KCNQ2: variants seen among roughly 807,000 people sequenced by gnomAD.
The protein encoded by KCNQ2 is potassium voltage-gated channel subfamily KQT member 2.
A neutral mutation model predicts 84.8 loss-of-function variants in KCNQ2; 14 were observed. That is an observed-to-expected ratio of 0.17 (90% CI 0.11 to 0.26). KCNQ2 has a LOEUF of 0.26. KCNQ2 is among the 10% of genes least tolerant of loss of function. The pLI is 1.00. For synonymous variants in KCNQ2, 599 were observed against 554.1 expected (o/e 1.08, Z -1.14); for missense variants, 788 against 1,254.0 (o/e 0.63, Z 5.61).
In KCNQ2 at chr20:63,414,249, G is replaced by A. The variant is rs2080216270; in HGVS notation, c.1526-56C>T. The A allele has an allele frequency of 1.3e-5, 17 of 1,328,844 alleles. No individual in the cohort carries two copies. Among genetic ancestry groups the A allele is most frequent in the Non-Finnish European group, 1.7e-5 (16 of 924,540 alleles). 82.3% of individuals were successfully genotyped at this position (1,328,844 alleles called of 1,614,324 possible). ...CGAGGGGGCCGGGAGACCTATTCCCGGGGTCCTGCAGGGCACACCGGCTAG... is the reference window on the plus strand; with the variant it reads ...CGAGGGGGCCGGGAGACCTATTCCCAGGGTCCTGCAGGGCACACCGGCTAG... On this transcript the variant is annotated intron_variant, in intron 13 of 16. Coordinates refer to ENST00000359125, the MANE Select transcript of KCNQ2 (RefSeq NM_172107.4). The surrounding 1 kb of genome is among the most constrained non-coding windows in gnomAD (Gnocchi z 6.6).
At chr20:63,461,301 C>T (rs913497867) in intron 1 of KCNQ2, among the ~76,000 whole-genome samples, 1 of 152,304 alleles carries the variant, frequency 6.6e-6, no homozygotes, top group Admixed American at 6.5e-5. Flanking sequence ...TTAAATGGCA[C>T]CCGTGGGAAG....
At chr20:63,433,725 T>C (rs1158519021) in intron 8 of KCNQ2, 84 bp downstream of exon 8, 1 of 1,609,060 alleles carries the variant, frequency 6.2e-7, no homozygotes, top group Non-Finnish European at 8.5e-7. Flanking sequence ...ATCAAAATAA[T>C]GAACAACAAA....
intron 4 of KCNQ2, 25 bp downstream of exon 4, chr20:63,444,634 C>T (rs757745514): frequency 3.6e-5 from 55 of 1,514,050 alleles, no homozygotes; most frequent in Non-Finnish European, 4.4e-5. Context: ...GGGCGCCCAC[C>T]GCCAGCCTTG....
chr20:63,461,250 C>T (rs1485440423), intron 1 of KCNQ2, among the ~76,000 whole-genome samples: 1 of 152,238 alleles, frequency 6.6e-6, no homozygotes, highest in Non-Finnish European at 1.5e-5. Context: ...CCAAGGCCCC[C>T]CCAACTTTCT....
At position 63,407,840 on chromosome 20, in the gene KCNQ2, C is replaced by T. The variant is rs1224797718; in HGVS notation, c.1888-465G>A. ...GGCCCAGGAGCAGCTCTTCCTCCTT[C>T]CCAGACCCCTAGGGGCAAAGCCTCC... On this transcript the variant is annotated intron_variant, in intron 16 of 16. Coordinates refer to ENST00000359125, the MANE Select transcript of KCNQ2 (RefSeq NM_172107.4). The surrounding 1 kb of genome is among the most constrained non-coding windows in gnomAD (Gnocchi z 7.2). 3 of 203,124 alleles carry T rather than the reference C, an allele frequency of 1.5e-5. No individual in the cohort carries two copies. Among genetic ancestry groups the T allele is most frequent in the Non-Finnish European group, 3.0e-5 (3 of 98,558 alleles). The allele number at this position is 203,124 out of a possible 1,614,324, so 12.6% of individuals were successfully genotyped here. A position where few individuals can be genotyped will look rare whatever the true frequency, so the allele number is the denominator to read the frequency against.
At chr20:63,459,775 G>A (rs1337513304) in intron 1 of KCNQ2, 1 of 152,230 alleles carries the variant, frequency 6.6e-6, no homozygotes, top group Non-Finnish European at 1.5e-5. Context: ...AAACCGTGTT[G>A]TCAAGGTCTG....
At chr20:63,433,156 C>CA (rs986265105) in intron 8 of KCNQ2, among the ~76,000 whole-genome samples, 2 of 152,132 alleles carry the variant, frequency 1.3e-5, no homozygotes, top group African/African-American at 4.8e-5. Flanking sequence ...TTTTGTAAAA[C>CA]AAAAAAACAC....
At position 63,401,810 on chromosome 20, in the gene KCNQ2, C is replaced by A; in HGVS notation, c.*4834G>T. 1 of 202,024 alleles carries A rather than the reference C, an allele frequency of 4.9e-6. No individual in the cohort carries two copies. Among genetic ancestry groups the A allele is most frequent in the Non-Finnish European group, 1.0e-5 (1 of 97,886 alleles). The allele number at this position is 202,024 out of a possible 1,614,324, so 12.5% of individuals were successfully genotyped here. ...CCACAGCAGGTCCAAGCCTCGTGAGCTGTCCCTCTCACACCACGTCTGCTG... is the reference window on the plus strand; with the variant it reads ...CCACAGCAGGTCCAAGCCTCGTGAGATGTCCCTCTCACACCACGTCTGCTG... On this transcript the variant is annotated 3_prime_UTR_variant, in exon 17 of 17. Transcript: ENST00000359125.
At chr20:63,468,441 G>A (rs541491553) in intron 1 of KCNQ2, among the ~76,000 whole-genome samples, 73 of 152,212 alleles carry the variant, frequency 4.8e-4, no homozygotes, top group Non-Finnish European at 9.6e-4. Flanking sequence ...CCAGGCGCCT[G>A]CCCACCCCAG....
chr20:63,402,047 C>T lies in KCNQ2; in HGVS notation c.*4597G>A, dbSNP rs1446873278. ...CAGGTCCAAGCCCTGTGAACCATCC[C>T]TCTCACACCACGTCTGCCGGGCACC... On this transcript the variant is annotated 3_prime_UTR_variant, in exon 17 of 17. Coordinates refer to ENST00000359125, the MANE Select transcript of KCNQ2 (RefSeq NM_172107.4). 6.7e-6 allele frequency: 1 copy of T among 149,858 alleles called. No homozygotes were observed. Among genetic ancestry groups the T allele is most frequent in the Non-Finnish European group, 1.4e-5 (1 of 73,166 alleles). The allele number at this position is 149,858 out of a possible 1,614,324, so 9.3% of individuals were successfully genotyped here.
intron 15 of KCNQ2, chr20:63,409,976 G>A: frequency 6.7e-6 from 2 of 300,582 alleles, no homozygotes; most frequent in South Asian, 5.3e-5. Context: ...TCTGATGGGA[G>A]GGGGGAGGGT....
intron 1 of KCNQ2, among the ~76,000 whole-genome samples, chr20:63,453,249 C>G (rs1000927905): frequency 6.6e-6 from 1 of 152,260 alleles, no homozygotes; most frequent in African/African-American, 2.4e-5. Flanking sequence ...GGCACCGTCG[C>G]CAGGGGGCAC....
In KCNQ2 at chr20:63,406,617, G is replaced by A. The variant is rs756874129; in HGVS notation, c.*27C>T. 1.7e-5 allele frequency: 27 copies of A among 1,570,452 alleles called. No individual in the cohort carries two copies. Among genetic ancestry groups the A allele is most frequent in the Admixed American group, 7.0e-5 (4 of 56,824 alleles). ...GAGGCACCGTGCTGAGGAGGGCCGC[G>A]GGCGGGTCCACTGGCCCAGCGCCGC... On this transcript the variant is annotated 3_prime_UTR_variant, in exon 17 of 17. Transcript: ENST00000359125.
chr20:63,445,396 G>A (rs367922651), intron 2 of KCNQ2, 32 bp from the exon 3 acceptor site: 171 of 1,611,132 alleles, frequency 1.1e-4, no homozygotes, highest in Non-Finnish European at 1.3e-4. Context: ...GCCACCTTGA[G>A]GCCTGGGGGA....
Position 63,414,233 on chromosome 20 carries a change from C to A in KCNQ2, c.1526-40G>T, listed in dbSNP as rs372965061. The A allele has an allele frequency of 6.9e-7, 1 of 1,458,908 alleles. No homozygotes were observed. The highest frequency in any genetic ancestry group is 1.4e-5 in the African/African-American group (1 of 72,012). 90.4% of individuals were successfully genotyped at this position (1,458,908 alleles called of 1,614,324 possible). On this transcript the variant is annotated intron_variant, in intron 13 of 16. Coordinates refer to ENST00000359125, the MANE Select transcript of KCNQ2 (RefSeq NM_172107.4). The surrounding 1 kb of genome is among the most constrained non-coding windows in gnomAD (Gnocchi z 6.6). ...ACAGGCCGTGAGGGGCCGAGGGGGCCGGGAGACCTATTCCCGGGGTCCTGC... is the reference window on the plus strand; with the variant it reads ...ACAGGCCGTGAGGGGCCGAGGGGGCAGGGAGACCTATTCCCGGGGTCCTGC...
rs995490845 is a variant in KCNQ2, at chr20:63,402,587, AG to A, written c.*4056del. 1.3e-5 allele frequency: 2 copies of A among 152,486 alleles called. No homozygotes were observed. The highest frequency in any genetic ancestry group is 2.4e-5 in the African/African-American group (1 of 41,476). The allele number at this position is 152,486 out of a possible 1,614,324, so 9.4% of individuals were successfully genotyped here. On this transcript the variant is annotated 3_prime_UTR_variant, in exon 17 of 17. Transcript: ENST00000359125. ...TCCGGCAGCAGGTCTCTCTGGCAGC[AG>A]GGTCTGGAATCTAGAAACACTGAGA...
chr20:63,442,716 C>CCAT (rs2081215717), intron 4 of KCNQ2, among the ~76,000 whole-genome samples, 185 bp from the exon 5 acceptor site: 36 of 56,478 alleles, frequency 6.4e-4, no homozygotes, highest in Middle Eastern at 0.01. Flanking sequence ...ATCACCACCA[C>CCAT]CACCACCATC....
chr20:63,407,014 C>T lies in KCNQ2; in HGVS notation c.2249G>A (p.Arg750Gln), dbSNP rs1372526939. The change falls in exon 17 of 17, where the codon CGG becomes CAG. Residue 750 changes from arginine (R) to glutamine (Q), a missense_variant. This residue lies in a region of KCNQ2 where 378 missense variants were observed against 434.5 expected (regional missense o/e 0.87). Coordinates refer to ENST00000359125, the MANE Select transcript of KCNQ2 (RefSeq NM_172107.4). This position sits in a 1 kb window ranked among gnomAD's most constrained non-coding sequence, Gnocchi z 7.2. Reference protein sequence around the residue: ...VRIPPPPAHERSLSAYGGGNR... With the variant: ...VRIPPPPAHEQSLSAYGGGNR... ...GCCCCCGCCGTAGGCGGACAGCGACCGCTCGTGGGCAGGCGGCGGCGGGAT... is the reference window on the plus strand; with the variant it reads ...GCCCCCGCCGTAGGCGGACAGCGACTGCTCGTGGGCAGGCGGCGGCGGGAT... The T allele has an allele frequency of 3.9e-6, 6 of 1,528,208 alleles. No individual in the cohort carries two copies. Among genetic ancestry groups the T allele is most frequent in the Admixed American group, 4.0e-5 (2 of 50,076 alleles). 94.7% of individuals were successfully genotyped at this position (1,528,208 alleles called of 1,614,324 possible). A position where few individuals can be genotyped will look rare whatever the true frequency, so the allele number is the denominator to read the frequency against.
rs1031199680 is a variant in KCNQ2, at chr20:63,446,674, C to T, written c.387+73G>A. 1.7e-5 allele frequency: 22 copies of T among 1,285,052 alleles called. No homozygotes were observed. Among genetic ancestry groups the T allele is most frequent in the Admixed American group, 1.5e-4 (9 of 59,012 alleles). The allele number at this position is 1,285,052 out of a possible 1,614,324, so 79.6% of individuals were successfully genotyped here. On this transcript the variant is annotated intron_variant, in intron 2 of 16. Transcript: ENST00000359125. The surrounding 1 kb of genome is among the most constrained non-coding windows in gnomAD (Gnocchi z 5.5). ...GTCAGAGGCCCTGTAGTAACAGGAA[C>T]GGAAGACAGACGCCCAGGCAGCTCC... is the stretch of plus-strand genomic sequence containing the variant.
Sources: gnomAD v4.1 joint callset for allele counts (sites outside exome capture counted in the v4.1 genomes callset) on GRCh38, gnomAD v4.1.1 for gene constraint, gnomAD v4.1.1 regional missense constraint, Gnocchi (gnomAD v3.1) non-coding constraint, MANE v1.5 for transcripts, NCBI Gene and HGNC (gene_info 2026-07-23, HGNC 2026-07-21) for gene names.